Variants in NXPH1 observed in about 807,000 individuals in gnomAD.
The protein encoded by NXPH1 is neurexophilin-1.
In NXPH1, 5 loss-of-function variants were observed where a neutral mutation model predicts 23.7. The observed-to-expected ratio is 0.21, with a 90% CI of 0.11 to 0.44. The LOEUF (loss-of-function observed/expected upper bound fraction) is 0.44. Among genes scored for constraint, NXPH1 ranks in the 20% least tolerant of loss-of-function variants. The pLI is 0.99. For missense variants in NXPH1, 324 were observed against 321.6 expected, an observed-to-expected ratio of 1.01 and a Z score of -0.06; for synonymous variants, 144 against 122.2, an observed-to-expected ratio of 1.18 and a Z score of -1.18.
intron 2 of NXPH1, among the ~76,000 whole-genome samples, chr7:8,527,372 T>C (rs949091478): frequency 1.3e-5 from 2 of 152,200 alleles, no homozygotes; most frequent in African/African-American, 2.4e-5. Flanking sequence ...GAAGCTCAGA[T>C]GGCCTCTAAA....
chr7:8,717,418 A>C (rs1427924602), intron 2 of NXPH1, among the ~76,000 whole-genome samples: 1 of 152,008 alleles, frequency 6.6e-6, no homozygotes, highest in Non-Finnish European at 1.5e-5. Context: ...TAGTGAGTCA[A>C]CCTCTGCAAA....
chr7:8,463,497 A>G (rs1816728685), intron 2 of NXPH1, among the ~76,000 whole-genome samples: 1 of 152,130 alleles, frequency 6.6e-6, no homozygotes, highest in Non-Finnish European at 1.5e-5. Flanking sequence ...AGGATATGCC[A>G]ATTTAAAATT....
intron 2 of NXPH1, among the ~76,000 whole-genome samples, chr7:8,636,448 A>G (rs1820219927): frequency 1.3e-5 from 2 of 152,242 alleles, no homozygotes; most frequent in Non-Finnish European, 2.9e-5. Flanking sequence ...ATTAATAGGT[A>G]AAAGAACTAG....
intron 2 of NXPH1, among the ~76,000 whole-genome samples, chr7:8,616,261 C>A (rs1819735679): frequency 6.9e-6 from 1 of 144,134 alleles, no homozygotes; most frequent in Admixed American, 6.8e-5. Context: ...ATTTTGAAGT[C>A]TTTTGATCTT....
chr7:8,606,095 G>T (rs773601673), intron 2 of NXPH1, among the ~76,000 whole-genome samples: 9 of 152,044 alleles, frequency 5.9e-5, no homozygotes, highest in Non-Finnish European at 1.2e-4. Flanking sequence ...GACCTACAAT[G>T]ATGCTATTAA....
At chr7:8,498,194 C>T (rs1406737551) in intron 2 of NXPH1, among the ~76,000 whole-genome samples, 2 of 151,994 alleles carry the variant, frequency 1.3e-5, no homozygotes, top group Non-Finnish European at 2.9e-5. Flanking sequence ...ACATCAGCTT[C>T]ATTTTGAAAG....
chr7:8,660,969 T>G (rs900258982), intron 2 of NXPH1, among the ~76,000 whole-genome samples: 1 of 103,018 alleles, frequency 9.7e-6, no homozygotes, highest in Non-Finnish European at 2.1e-5. Context: ...TTTTTTTTTT[T>G]AAAGTAAGTG....
intron 2 of NXPH1, among the ~76,000 whole-genome samples, chr7:8,470,736 T>C (rs191610873): frequency 2.0e-5 from 3 of 152,324 alleles, no homozygotes; most frequent in African/African-American, 7.2e-5. Flanking sequence ...TATCAAATTC[T>C]TTAAAATGTC....
intron 2 of NXPH1, among the ~76,000 whole-genome samples, chr7:8,556,897 T>TA (rs138751171): frequency 0.018 from 2,719 of 151,758 alleles, 33 homozygotes; most frequent in Non-Finnish European, 0.029. Context: ...TCTCACAACT[T>TA]ATGGGTCAGA....
chr7:8,689,330 AAC>A (rs1285406439), intron 2 of NXPH1, among the ~76,000 whole-genome samples: 18 of 145,890 alleles, frequency 1.2e-4, no homozygotes, highest in African/African-American at 4.5e-4. Flanking sequence ...AAAAAAAAAA[AAC>A]CAACTTACTA....
chr7:8,561,895 T>A (rs989649942), intron 2 of NXPH1, among the ~76,000 whole-genome samples: 4 of 151,686 alleles, frequency 2.6e-5, no homozygotes, highest in Admixed American at 1.3e-4. Context: ...GTATGTGATT[T>A]TTTAAAAAAA....
At chr7:8,640,870 C>A (rs997752301) in intron 2 of NXPH1, among the ~76,000 whole-genome samples, 1 of 152,108 alleles carries the variant, frequency 6.6e-6, no homozygotes, top group African/African-American at 2.4e-5. Flanking sequence ...TGTTGGATCT[C>A]TTGAGTCTGG....
intron 2 of NXPH1, among the ~76,000 whole-genome samples, chr7:8,709,492 T>C (rs918648704): frequency 1.3e-5 from 2 of 152,224 alleles, no homozygotes. Context: ...TGTAACATCA[T>C]AATTAATGTT....
chr7:8,739,236 G>A (rs973368537), intron 2 of NXPH1, among the ~76,000 whole-genome samples: 5 of 142,660 alleles, frequency 3.5e-5, no homozygotes, highest in Non-Finnish European at 7.5e-5. Context: ...TGCCCAAATG[G>A]CCACCCAGTT....
In NXPH1 at chr7:8,435,275, A is replaced by G; in HGVS notation, c.-110-329A>G. ...CCGAGCCGCCGGGCCACCCAACACA[A>G]GGGCAGGTCTCGCTGCCGGAGAAGC... On this transcript the variant is annotated intron_variant, in intron 1 of 2. Transcript: ENST00000405863. The surrounding 1 kb of genome is among the most constrained non-coding windows in gnomAD (Gnocchi z 5.9). 1 of 244,080 alleles carries G rather than the reference A, an allele frequency of 4.1e-6. No homozygotes were observed. Among genetic ancestry groups the G allele is most frequent in the East Asian group, 1.2e-4 (1 of 8,682 alleles). The allele number at this position is 244,080 out of a possible 1,614,324, so 15.1% of individuals were successfully genotyped here. A position where few individuals can be genotyped will look rare whatever the true frequency, so the allele number is the denominator to read the frequency against.
chr7:8,464,813 C>T (rs1816753646), intron 2 of NXPH1, among the ~76,000 whole-genome samples: 1 of 152,086 alleles, frequency 6.6e-6, no homozygotes, highest in African/African-American at 2.4e-5. Flanking sequence ...TTTTACTCTC[C>T]TAAGAATTCA....
At chr7:8,622,733 G>T (rs1176005600) in intron 2 of NXPH1, among the ~76,000 whole-genome samples, 1 of 152,138 alleles carries the variant, frequency 6.6e-6, no homozygotes, top group African/African-American at 2.4e-5. Flanking sequence ...AATGTAAAAA[G>T]AACTTTGTGC....
At chr7:8,511,738 T>C (rs1275874541) in intron 2 of NXPH1, among the ~76,000 whole-genome samples, 1 of 152,182 alleles carries the variant, frequency 6.6e-6, no homozygotes, top group Admixed American at 6.5e-5. Flanking sequence ...ATTTCTGTTC[T>C]GATGCTGAAT....
Position 8,478,316 on chromosome 7 carries a change from A to G in NXPH1, c.54+42549A>G, listed in dbSNP as rs544750233. 6.2e-4 allele frequency among the ~76,000 whole-genome samples: 95 copies of G among 152,264 alleles called. No individual in the cohort carries two copies. In the South Asian group the frequency reaches 0.019, roughly 30 times the overall value. ...GCTAAAACTTTAAGAAAATGGCTCAATATATGGATTAATTAAATAAAAATA... is the reference window on the plus strand; with the variant it reads ...GCTAAAACTTTAAGAAAATGGCTCAGTATATGGATTAATTAAATAAAAATA... On this transcript the variant is annotated intron_variant, in intron 2 of 2. Transcript: ENST00000405863.
Sources: allele counts gnomAD v4.1 joint callset (sites outside exome capture counted in the v4.1 genomes callset), GRCh38; gene constraint gnomAD v4.1.1; non-coding constraint Gnocchi (gnomAD v3.1); transcripts MANE v1.5; gene names NCBI Gene and HGNC (gene_info 2026-07-23, HGNC 2026-07-21).